Variants in CACNB2 observed in about 807,000 individuals in gnomAD.
CACNB2 encodes the protein voltage-dependent L-type calcium channel subunit beta-2.
In CACNB2, 42 loss-of-function variants were observed where a neutral mutation model predicts 73.3. The ratio of observed to expected loss-of-function variants is 0.57; its 90% CI spans 0.45 to 0.74. The LOEUF is 0.74. Ranked by LOEUF, CACNB2 falls within the 30% of genes least tolerant of loss-of-function variation. CACNB2 has a pLI of 0.00. For missense variants in CACNB2, 940 were observed against 853.0 expected (o/e 1.10, Z -1.27); for synonymous variants, 348 against 310.3 (o/e 1.12, Z -1.28).
chr10:18,357,565 AC>A (rs1398603467), intron 2 of CACNB2, among the ~76,000 whole-genome samples: 1 of 152,252 alleles, frequency 6.6e-6, no homozygotes, highest in Non-Finnish European at 1.5e-5. Context: ...CAAACAAAGT[AC>A]AATCTTTCAT....
intron 9 of CACNB2, among the ~76,000 whole-genome samples, chr10:18,521,214 G>T (rs2051846882): frequency 6.6e-6 from 1 of 152,252 alleles, no homozygotes; most frequent in African/African-American, 2.4e-5. Flanking sequence ...TTGGTTATAT[G>T]CATGCACAAG....
At chr10:18,148,792 C>G (rs1446452906) in intron 1 of CACNB2, among the ~76,000 whole-genome samples, 2 of 151,916 alleles carry the variant, frequency 1.3e-5, no homozygotes, top group Non-Finnish European at 2.9e-5. Context: ...GTCATGAGTT[C>G]AAGACCAGCC....
rs538972300 is a variant in CACNB2, at chr10:18,240,039, T to A, written c.213+89064T>A. Among the ~76,000 whole-genome samples, 429 of 152,304 alleles carry A rather than the reference T, an allele frequency of 2.8e-3. 1 individual carries two copies. The highest frequency in any genetic ancestry group is 4.9e-3 in the Non-Finnish European group (332 of 68,012). ...CACATGACTTTTGGGTAGCTTCATA[T>A]TTAAAAACTTTTTTAAAAATCTTCA... On this transcript the variant is annotated intron_variant, in intron 2 of 13. Coordinates refer to ENST00000324631, the MANE Select transcript of CACNB2 (RefSeq NM_201596.3).
At chr10:18,492,620 C>CAAAAAAA (rs371407084) in intron 3 of CACNB2, among the ~76,000 whole-genome samples, 1 of 90,444 alleles carries the variant, frequency 1.1e-5, no homozygotes, top group Non-Finnish European at 2.1e-5. Flanking sequence ...GACTCTGTCT[C>CAAAAAAA]AAAAAAAAAA....
chr10:18,198,062 G>T (rs1452618698), intron 2 of CACNB2, among the ~76,000 whole-genome samples: 1 of 147,228 alleles, frequency 6.8e-6, no homozygotes, highest in East Asian at 2.0e-4. Context: ...AATAATAAAT[G>T]TTAATGTATG....
At chr10:18,174,219 TCCTTCC>T (rs1442387395) in intron 2 of CACNB2, among the ~76,000 whole-genome samples, 22 of 145,740 alleles carry the variant, frequency 1.5e-4, no homozygotes, top group Non-Finnish European at 2.7e-4. Context: ...CCTTCCTTTC[TCCTTCC>T]CCTTCCCCTT....
chr10:18,190,377 C>A (rs1050897152), intron 2 of CACNB2, among the ~76,000 whole-genome samples: 2 of 152,124 alleles, frequency 1.3e-5, no homozygotes, highest in African/African-American at 2.4e-5. Context: ...CCCAGTCCCC[C>A]ACCTGTCATG....
intron 2 of CACNB2, among the ~76,000 whole-genome samples, chr10:18,380,268 G>GTT (rs66746969): frequency 6.6e-6 from 1 of 151,580 alleles, no homozygotes; most frequent in Non-Finnish European, 1.5e-5. Context: ...TTTTCATTTT[G>GTT]TTTTTTCTTA....
At chr10:18,496,836 G>GAAAAA (rs1329574760) in intron 3 of CACNB2, among the ~76,000 whole-genome samples, 1 of 139,354 alleles carries the variant, frequency 7.2e-6, no homozygotes, top group African/African-American at 2.8e-5. Context: ...AAAAAAAAAG[G>GAAAAA]AAAAAAAGAA....
chr10:18,252,060 TG>T lies in CACNB2; in HGVS notation c.213+101086del, dbSNP rs1483185983. On this transcript the variant is annotated intron_variant, in intron 2 of 13. Coordinates refer to ENST00000324631, the MANE Select transcript of CACNB2 (RefSeq NM_201596.3). ...GCCTGTATCAGTAAATAAATGCTAA[TG>T]TTTTTTGTCATTGTTTTTATTACTA... 6.6e-5 allele frequency among the ~76,000 whole-genome samples: 10 copies of T among 152,336 alleles called. No homozygotes were observed. The South Asian group carries it at 1.5e-3, about 22-fold the overall frequency.
intron 2 of CACNB2, among the ~76,000 whole-genome samples, chr10:18,349,411 A>G (rs139826757): frequency 1.3e-3 from 199 of 152,324 alleles, no homozygotes; most frequent in Non-Finnish European, 2.2e-3. Context: ...AATGGGTCCA[A>G]TTGTTGATGC....
At chr10:18,277,900 G>A (rs1434166395) in intron 2 of CACNB2, among the ~76,000 whole-genome samples, 2 of 152,126 alleles carry the variant, frequency 1.3e-5, no homozygotes, top group Admixed American at 6.5e-5. Context: ...AGCAGATCAT[G>A]TATGGGAATT....
chr10:18,323,555 T>C (rs2040473261), intron 2 of CACNB2, among the ~76,000 whole-genome samples: 1 of 152,196 alleles, frequency 6.6e-6, no homozygotes, highest in Admixed American at 6.5e-5. Context: ...TGTTCATAAG[T>C]ATGAATCTGA....
chr10:18,505,003 TTAAA>T (rs1282987724), intron 5 of CACNB2, among the ~76,000 whole-genome samples: 2 of 152,108 alleles, frequency 1.3e-5, no homozygotes, highest in African/African-American at 4.8e-5. Context: ...CCGGCAGTCT[TTAAA>T]AACTCTGATA....
intron 2 of CACNB2, among the ~76,000 whole-genome samples, chr10:18,299,550 A>G (rs1304206265): frequency 2.0e-5 from 3 of 152,142 alleles, no homozygotes; most frequent in South Asian, 4.1e-4. Flanking sequence ...ATCTCCACAA[A>G]AAATACAAAA....
intron 3 of CACNB2, among the ~76,000 whole-genome samples, chr10:18,419,258 A>G (rs551953188): frequency 6.6e-5 from 10 of 152,236 alleles, no homozygotes; most frequent in Non-Finnish European, 1.5e-4. Flanking sequence ...CATAATGGAT[A>G]TGCAAAATGG....
intron 2 of CACNB2, among the ~76,000 whole-genome samples, chr10:18,395,214 C>G (rs115699524): frequency 1.5e-3 from 230 of 152,280 alleles, no homozygotes; most frequent in African/African-American, 5.3e-3. Context: ...CTCAGACATG[C>G]AAGCATTTCT....
At chr10:18,416,157 C>T (rs2044948069) in intron 3 of CACNB2, among the ~76,000 whole-genome samples, 1 of 152,200 alleles carries the variant, frequency 6.6e-6, no homozygotes, top group Admixed American at 6.5e-5. Context: ...CTGCACCCCC[C>T]ACTCACCCTT....
At chr10:18,297,684 C>T (rs2039333967) in intron 2 of CACNB2, among the ~76,000 whole-genome samples, 1 of 152,196 alleles carries the variant, frequency 6.6e-6, no homozygotes, top group Non-Finnish European at 1.5e-5. Flanking sequence ...CCACTCCCTG[C>T]TCTCTACCTT....
Sources: allele counts gnomAD v4.1 joint callset (sites outside exome capture counted in the v4.1 genomes callset), GRCh38; gene constraint gnomAD v4.1.1; transcripts MANE v1.5; gene names NCBI Gene and HGNC (gene_info 2026-07-23, HGNC 2026-07-21).